ADGRG2: variants seen among roughly 807,000 people sequenced by gnomAD.
The protein encoded by ADGRG2 is adhesion G protein-coupled receptor G2.
ADGRG2 carries 26 observed loss-of-function variants against 74.1 expected under a neutral mutation model. The observed-to-expected ratio is 0.35, with a 90% CI of 0.26 to 0.49. The LOEUF is 0.49. ADGRG2 is among the 20% of genes least tolerant of loss of function. ADGRG2 has a pLI of 0.99. For synonymous variants in ADGRG2, 296 were observed against 295.2 expected, an observed-to-expected ratio of 1.00 and a Z score of -0.03; for missense variants, 619 against 763.1, an observed-to-expected ratio of 0.81 and a Z score of 2.22.
chrX:19,053,558 A>G (rs143497929), intron 3 of ADGRG2, among the ~76,000 whole-genome samples: 1 of 111,905 alleles, frequency 8.9e-6, no homozygotes, highest in Non-Finnish European at 1.9e-5. Flanking sequence ...CTAACTATGT[A>G]ACTTTGACCA....
intron 23 of ADGRG2, 80 bp downstream of exon 23, chrX:19,004,678 G>C (rs1198336712): frequency 3.0e-6 from 3 of 1,011,507 alleles, no homozygotes; most frequent in African/African-American, 3.8e-5. Flanking sequence ...GCAGGCCGAG[G>C]AAAGGGCTTA....
intron 1 of ADGRG2, among the ~76,000 whole-genome samples, chrX:19,106,122 C>A (rs2062286720): frequency 9.1e-6 from 1 of 109,946 alleles, no homozygotes; most frequent in Admixed American, 9.8e-5. Context: ...TTTAGTCCTT[C>A]TGGGGAATTC....
At chrX:19,100,880 T>C (rs2062175984) in intron 1 of ADGRG2, among the ~76,000 whole-genome samples, 1 of 113,253 alleles carries the variant, frequency 8.8e-6, no homozygotes, top group African/African-American at 3.2e-5. Flanking sequence ...AGAAAAGCGA[T>C]GGCAAATGAA....
intron 18 of ADGRG2, 79 bp from the exon 19 acceptor site, chrX:19,008,202 CA>C: frequency 1.4e-6 from 1 of 710,561 alleles, no homozygotes; most frequent in Non-Finnish European, 2.0e-6. Context: ...TAAGTTGGTG[CA>C]AAAGTAATTG....
chrX:19,022,134 G>T (rs1569383872), intron 13 of ADGRG2, among the ~76,000 whole-genome samples: 1 of 109,962 alleles, frequency 9.1e-6, no homozygotes, highest in Non-Finnish European at 1.9e-5. Context: ...TGTGGTGGTG[G>T]GTGCCTGTAA....
intron 1 of ADGRG2, among the ~76,000 whole-genome samples, chrX:19,115,501 C>T (rs571579437): frequency 3.6e-5 from 4 of 111,990 alleles, no homozygotes; most frequent in African/African-American, 1.3e-4. Flanking sequence ...TTAGAGAAGA[C>T]TCAGATGAAA....
chrX:19,020,430 A>T (rs1219488387), intron 14 of ADGRG2, among the ~76,000 whole-genome samples: 1 of 111,301 alleles, frequency 9.0e-6, no homozygotes, highest in Admixed American at 9.7e-5. Flanking sequence ...AGGGTTTATC[A>T]TATTATCAAA....
Position 19,035,948 on chromosome X carries a change from C to A in ADGRG2, c.256G>T (p.Glu86Ter). Residue 86 changes from glutamate (E) to a stop codon, truncating the protein, a stop_gained, in exon 7 of 29, where the codon GAA becomes TAA. Transcript: ENST00000379869. LOFTEE classifies it high-confidence loss of function. ...AGAAATCACTTGATATTACCTGTTT[C>A]GTTTGAAGGGAGTAAGCTTAAAGTA... ...DVTLSLLPSN[E>*]TEKTKITIVK... 2.0e-6 allele frequency: 2 copies of A among 983,811 alleles called. No homozygotes were observed. The highest frequency in any genetic ancestry group is 2.1e-5 in the South Asian group (1 of 48,078). The allele number at this position is 983,811 out of a possible 1,213,427, so 81.1% of individuals were successfully genotyped here. A position where few individuals can be genotyped will look rare whatever the true frequency, so the allele number is the denominator to read the frequency against.
At chrX:19,018,333 G>C (rs938597328) in intron 15 of ADGRG2, among the ~76,000 whole-genome samples, 1 of 108,923 alleles carries the variant, frequency 9.2e-6, no homozygotes, top group African/African-American at 3.4e-5. Context: ...ATCTCACCCA[G>C]GCTGATCTTG....
chrX:18,999,849 C>T lies in ADGRG2; in HGVS notation c.2330+12G>A. 9.4e-7 allele frequency: 1 copy of T among 1,059,097 alleles called. No homozygotes were observed. The highest frequency in any genetic ancestry group is 1.3e-6 in the Non-Finnish European group (1 of 756,887). The allele number at this position is 1,059,097 out of a possible 1,213,427, so 87.3% of individuals were successfully genotyped here. A position where few individuals can be genotyped will look rare whatever the true frequency, so the allele number is the denominator to read the frequency against. On this transcript the variant is annotated intron_variant, in intron 25 of 28. Transcript: ENST00000379869. ...GTTCACTTAGCATTCCCTTAGGGGG[C>T]TTTGTACTCACAAGTCATCCGGTGA... is the stretch of plus-strand genomic sequence containing the variant.
At chrX:19,060,322 G>T (rs1452591541) in intron 3 of ADGRG2, among the ~76,000 whole-genome samples, 1 of 111,398 alleles carries the variant, frequency 9.0e-6, no homozygotes, top group Non-Finnish European at 1.9e-5. Context: ...CTTTGAAATT[G>T]CCTCACATAA....
At chrX:19,058,856 A>T (rs2061443306) in intron 3 of ADGRG2, among the ~76,000 whole-genome samples, 1 of 112,539 alleles carries the variant, frequency 8.9e-6, no homozygotes, top group African/African-American at 3.2e-5. Flanking sequence ...AAGGAATGCT[A>T]TTAAGGTGCA....
At chrX:19,043,938 A>G (rs1396166050) in intron 3 of ADGRG2, among the ~76,000 whole-genome samples, 1 of 111,418 alleles carries the variant, frequency 9.0e-6, no homozygotes, top group African/African-American at 3.3e-5. Context: ...TCCTGAACTC[A>G]AAAGTATTGC....
At chrX:19,002,035 C>T (rs1219535905) in intron 24 of ADGRG2, among the ~76,000 whole-genome samples, 1 of 111,170 alleles carries the variant, frequency 9.0e-6, no homozygotes, top group African/African-American at 3.3e-5. Context: ...GAAGAGGTAT[C>T]AACTTACTGT....
chrX:19,048,299 C>G (rs1015063106), intron 3 of ADGRG2, among the ~76,000 whole-genome samples: 1 of 112,571 alleles, frequency 8.9e-6, no homozygotes, highest in Non-Finnish European at 1.9e-5. Context: ...CAAAGGGGGT[C>G]TATCTTTAAT....
chrX:19,082,072 CAAAAAAAA>C (rs57534658), intron 2 of ADGRG2, among the ~76,000 whole-genome samples: 4 of 21,212 alleles, frequency 1.9e-4, no homozygotes, highest in African/African-American at 4.3e-4. Flanking sequence ...GACCCTGTCT[CAAAAAAAA>C]AAAAAAAAAA....
chrX:19,029,890 T>C (rs1188679851), intron 9 of ADGRG2, among the ~76,000 whole-genome samples: 1 of 111,081 alleles, frequency 9.0e-6, no homozygotes, highest in Non-Finnish European at 1.9e-5. Context: ...TTATACAATA[T>C]ACGAAAATGA....
In ADGRG2 at chrX:19,103,178, CGA is replaced by C. The variant is rs1280441601; in HGVS notation, c.-47+19262_-47+19263del. 3.7e-4 allele frequency among the ~76,000 whole-genome samples: 41 copies of C among 111,380 alleles called. 1 individual carries two copies. The highest frequency in any genetic ancestry group is 2.9e-4 in the Admixed American group (3 of 10,472). ...CAAAATGCACCAAAAACCAAGATGA[CGA>C]CAAAAATGACCTCTGGTTGTCCTCA... On this transcript the variant is annotated intron_variant, in intron 1 of 28. Coordinates refer to ENST00000379869, the MANE Select transcript of ADGRG2 (RefSeq NM_001079858.3).
At chrX:19,027,347 T>C (rs1469028938) in intron 10 of ADGRG2, 73 bp from the exon 11 acceptor site, 2 of 660,204 alleles carry the variant, frequency 3.0e-6, no homozygotes, top group African/African-American at 4.3e-5. Context: ...CAGTAAGTTG[T>C]TCTTCAGTTT....
Sources: allele counts gnomAD v4.1 joint callset (sites outside exome capture counted in the v4.1 genomes callset), GRCh38; gene constraint gnomAD v4.1.1; transcripts MANE v1.5; gene names NCBI Gene and HGNC (gene_info 2026-07-23, HGNC 2026-07-21).